Variants in PRKCH observed in about 807,000 individuals in gnomAD.
PRKCH encodes protein kinase C eta type.
PRKCH carries 28 observed loss-of-function variants against 82.5 expected under a neutral mutation model. The ratio of observed to expected loss-of-function variants is 0.34; its 90% CI spans 0.25 to 0.47. The LOEUF (loss-of-function observed/expected upper bound fraction) is 0.47, where lower values mean the gene tolerates loss of function less well. Among genes scored for constraint, PRKCH ranks in the 20% least tolerant of loss-of-function variants. The probability of loss-of-function intolerance (pLI) is 1.00; values close to 1 mark genes in which losing one functional copy is unlikely to be tolerated. For synonymous variants in PRKCH, 322 were observed against 327.4 expected, an observed-to-expected ratio of 0.98 and a Z score of 0.18; for missense variants, 705 against 881.8, an observed-to-expected ratio of 0.80 and a Z score of 2.54.
chr14:61,247,735 CAAAAAAAAAAA>C lies in PRKCH; in HGVS notation c.-19+60080_-19+60090del, dbSNP rs202153655. On this transcript the variant is annotated intron_variant, in intron 1 of 3. Transcript: ENST00000555185. The stretch of plus-strand genomic sequence containing the variant: ...TGAGAGACAGAGTGAGACTCCATCT[CAAAAAAAAAAA>C]AAAAAAAAAAAAGAAAGAAAGAAAG... 1.7e-3 allele frequency among the ~76,000 whole-genome samples: 90 copies of C among 52,720 alleles called. 1 individual carries two copies. The highest frequency in any genetic ancestry group is 2.8e-3 in the South Asian group (2 of 706). The allele number at this position is 52,720 out of a possible 152,430, so 34.6% of individuals were successfully genotyped here.
chr14:61,394,275 A>G (rs953542221), intron 2 of PRKCH, among the ~76,000 whole-genome samples: 1 of 152,174 alleles, frequency 6.6e-6, no homozygotes, highest in Non-Finnish European at 1.5e-5. Context: ...ATAAAAAAAA[A>G]AACTGTTCAG....
At chr14:61,319,340 C>CTTCACT (rs2045588912), upstream of PRKCH, among the ~76,000 whole-genome samples, 1 of 152,144 alleles carries the variant, frequency 6.6e-6, no homozygotes, top group South Asian at 2.1e-4. Context: ...CCCTTGGCAC[C>CTTCACT]GTGGGCTTTT....
intron 9 of PRKCH, among the ~76,000 whole-genome samples, chr14:61,463,698 T>C (rs1356376587): frequency 6.6e-6 from 1 of 151,754 alleles, no homozygotes; most frequent in Non-Finnish European, 1.5e-5. Context: ...TTTTCAGTGC[T>C]TTGTTTATAT....
At chr14:61,414,496 C>T (rs531357693) in intron 2 of PRKCH, among the ~76,000 whole-genome samples, 2 of 152,064 alleles carry the variant, frequency 1.3e-5, no homozygotes, top group East Asian at 3.9e-4. Context: ...TGGTCTTAAA[C>T]TCCTGACCCC....
chr14:61,444,580 A>G (rs922965670), intron 3 of PRKCH, among the ~76,000 whole-genome samples: 2 of 151,716 alleles, frequency 1.3e-5, no homozygotes, highest in African/African-American at 4.8e-5. Context: ...ACCAGCCTTT[A>G]ACGCTCCCCC....
At position 61,332,702 on chromosome 14, in the gene PRKCH, T is replaced by C. The variant is rs550595932; in HGVS notation, c.363+10238T>C. ...CATATTCTATACCTCGTCCTGTATTTCCAATTTCAGACCTAGCCTCTGTTC... is the reference window on the plus strand; with the variant it reads ...CATATTCTATACCTCGTCCTGTATTCCCAATTTCAGACCTAGCCTCTGTTC... On this transcript the variant is annotated intron_variant, in intron 1 of 13. Transcript: ENST00000332981. Among the ~76,000 whole-genome samples the C allele has an allele frequency of 3.3e-5, 5 of 152,356 alleles. 1 individual carries two copies. The South Asian group carries it at 1.0e-3, about 32-fold the overall frequency.
chr14:61,284,621 G>A (rs2045298752), intron 1 of PRKCH, among the ~76,000 whole-genome samples: 1 of 152,154 alleles, frequency 6.6e-6, no homozygotes, highest in East Asian at 1.9e-4. Context: ...ACTATGTAAG[G>A]AAGGTTCAGA....
At chr14:61,548,734 A>C (rs536609851) in intron 13 of PRKCH, among the ~76,000 whole-genome samples, 21 of 151,886 alleles carry the variant, frequency 1.4e-4, no homozygotes, top group Non-Finnish European at 1.3e-4. Context: ...GTGGTGATGC[A>C]CACCTCTAAT....
intron 1 of PRKCH, among the ~76,000 whole-genome samples, chr14:61,193,968 C>T (rs1378410350): frequency 1.3e-5 from 2 of 152,112 alleles, no homozygotes; most frequent in Non-Finnish European, 2.9e-5. Flanking sequence ...AACAATAGGC[C>T]CACCATGGCT....
chr14:61,487,593 G>C (rs1052647814), intron 10 of PRKCH, among the ~76,000 whole-genome samples: 1 of 152,068 alleles, frequency 6.6e-6, no homozygotes, highest in African/African-American at 2.4e-5. Context: ...TTGCCCCGAA[G>C]AGAGACGTTT....
At chr14:61,393,873 C>T (rs1313378296) in intron 2 of PRKCH, among the ~76,000 whole-genome samples, 4 of 152,218 alleles carry the variant, frequency 2.6e-5, no homozygotes, top group Admixed American at 6.5e-5. Flanking sequence ...TCACCTAATG[C>T]GGTTTCCCTC....
chr14:61,439,167 A>G (rs1317641526), intron 2 of PRKCH, among the ~76,000 whole-genome samples: 2 of 152,174 alleles, frequency 1.3e-5, no homozygotes, highest in Non-Finnish European at 2.9e-5. Flanking sequence ...TAAGCACCAT[A>G]GTATTCAATA....
intron 1 of PRKCH, among the ~76,000 whole-genome samples, chr14:61,282,368 T>C (rs755238136): frequency 6.6e-6 from 1 of 152,038 alleles, no homozygotes; most frequent in Non-Finnish European, 1.5e-5. Flanking sequence ...TCCCTAGGTA[T>C]TGTGTTCTTG....
intron 1 of PRKCH, chr14:61,306,194 G>C (rs1223567468): frequency 6.6e-6 from 1 of 152,090 alleles, no homozygotes; most frequent in Non-Finnish European, 1.5e-5. Context: ...ATTTAGGCTG[G>C]GACAGTATTC....
At chr14:61,520,912 C>G (rs555612579) in intron 10 of PRKCH, among the ~76,000 whole-genome samples, 1 of 152,212 alleles carries the variant, frequency 6.6e-6, no homozygotes, top group Non-Finnish European at 1.5e-5. Context: ...ATAAACACTC[C>G]CACAAGTGTG....
intron 9 of PRKCH, among the ~76,000 whole-genome samples, chr14:61,474,878 C>T (rs914972864): frequency 2.0e-5 from 3 of 152,134 alleles, no homozygotes; most frequent in Non-Finnish European, 4.4e-5. Context: ...TCGGCCCGTG[C>T]ATCAGCACTG....
chr14:61,494,105 G>A (rs1000483125), intron 10 of PRKCH, among the ~76,000 whole-genome samples: 3 of 152,152 alleles, frequency 2.0e-5, no homozygotes, highest in Admixed American at 6.5e-5. Context: ...TCCATGGATA[G>A]GGGCATAGGA....
At chr14:61,471,055 A>G (rs1477445684) in intron 9 of PRKCH, among the ~76,000 whole-genome samples, 3 of 152,216 alleles carry the variant, frequency 2.0e-5, no homozygotes, top group East Asian at 3.8e-4. Context: ...CCAGTGGTGA[A>G]AGGCAGTTCA....
intron 1 of PRKCH, chr14:61,304,084 A>G (rs570708360): frequency 6.6e-6 from 1 of 152,022 alleles, no homozygotes; most frequent in African/African-American, 2.4e-5. Flanking sequence ...CAACCTTAAC[A>G]GTCTGTTTAG....
Sources: gnomAD v4.1 joint callset for allele counts (sites outside exome capture counted in the v4.1 genomes callset) on GRCh38, gnomAD v4.1.1 for gene constraint, MANE v1.5 for transcripts, NCBI Gene and HGNC (gene_info 2026-07-23, HGNC 2026-07-21) for gene names.